Variants in BCL7C observed in about 807,000 individuals in gnomAD.
The protein encoded by BCL7C is B-cell CLL/lymphoma 7 protein family member C.
A neutral mutation model predicts 26.2 loss-of-function variants in BCL7C; 8 were observed. That is an observed-to-expected ratio of 0.30 (90% CI 0.18 to 0.55). The LOEUF (loss-of-function observed/expected upper bound fraction) is 0.55, where lower values mean the gene tolerates loss of function less well. Among genes scored for constraint, BCL7C ranks in the 20% least tolerant of loss-of-function variants. The pLI is 0.93. For missense variants in BCL7C, 262 were observed against 298.5 expected (o/e 0.88, Z 0.90); for synonymous variants, 90 against 116.5 (o/e 0.77, Z 1.47).
At chr16:30,861,477 G>A (rs566067349) in intron 5 of BCL7C, among the ~76,000 whole-genome samples, 12 of 152,286 alleles carry the variant, frequency 7.9e-5, no homozygotes, top group East Asian at 7.7e-4. Context: ...CCCACAGCCC[G>A]GGATTCCTCC....
At chr16:30,849,230 T>C (rs1295759948) in intron 5 of BCL7C, among the ~76,000 whole-genome samples, 1 of 152,082 alleles carries the variant, frequency 6.6e-6, no homozygotes, top group Non-Finnish European at 1.5e-5. Flanking sequence ...TTGAAATCTC[T>C]GCCTAATATT....
downstream of BCL7C, among the ~76,000 whole-genome samples, chr16:30,885,451 C>G (rs1375742408): frequency 3.3e-5 from 5 of 151,402 alleles, no homozygotes; most frequent in African/African-American, 1.2e-4. Context: ...GCTCCATCAC[C>G]CAGGCTGGAG....
downstream of BCL7C, among the ~76,000 whole-genome samples, chr16:30,883,110 C>T (rs1255892931): frequency 6.6e-6 from 1 of 151,952 alleles, no homozygotes; most frequent in Admixed American, 6.6e-5. Flanking sequence ...AGAGTGTGCA[C>T]AAAGAGAAGC....
chr16:30,841,105 A>C (rs2054599080), intron 5 of BCL7C, among the ~76,000 whole-genome samples: 1 of 152,152 alleles, frequency 6.6e-6, no homozygotes, highest in African/African-American at 2.4e-5. Flanking sequence ...AGCACTTAGA[A>C]GGGAGCTGCA....
At position 30,893,067 on chromosome 16, in the gene BCL7C, CA is replaced by C; in HGVS notation, c.172-120del. The C allele has an allele frequency of 1.6e-6, 2 of 1,238,422 alleles. No individual in the cohort carries two copies. Among genetic ancestry groups the C allele is most frequent in the Non-Finnish European group, 2.3e-6 (2 of 876,096 alleles). The allele number at this position is 1,238,422 out of a possible 1,614,324, so 76.7% of individuals were successfully genotyped here. ...AGGGGGTGTGGAGCAGAAAAGAGGG[CA>C]AAAGGGGAGGAGCTGCTAATGATGG... On this transcript the variant is annotated intron_variant, in intron 2 of 5. Transcript: ENST00000215115. This position sits in a 1 kb window ranked among gnomAD's most constrained non-coding sequence, Gnocchi z 5.2.
At chr16:30,882,235 A>G (rs1054860666) in intron 5 of BCL7C, among the ~76,000 whole-genome samples, 10 of 152,018 alleles carry the variant, frequency 6.6e-5, no homozygotes, top group African/African-American at 2.4e-4. Context: ...AGTGCTAGCC[A>G]CCACGCCCGG....
downstream of BCL7C, among the ~76,000 whole-genome samples, chr16:30,885,992 C>T (rs2055128124): frequency 1.3e-5 from 2 of 152,250 alleles, no homozygotes; most frequent in East Asian, 1.9e-4. Context: ...GCTTGGACTA[C>T]AGGCGCGCAC....
Position 30,876,916 on chromosome 16 carries a change from G to C in BCL7C, c.528+11944C>G, listed in dbSNP as rs533146583. On this transcript the variant is annotated intron_variant, in intron 5 of 5. Transcript: ENST00000380317. Reference sequence around the variant, plus strand: ...AACTCCATGGGCAAAAACAGGTGTGGAAGGGACCAAGAAGCCCATGTGGCT... The same window carrying C: ...AACTCCATGGGCAAAAACAGGTGTGCAAGGGACCAAGAAGCCCATGTGGCT... Among the ~76,000 whole-genome samples, 3 of 152,302 alleles carry C rather than the reference G, an allele frequency of 2.0e-5. No homozygotes were observed. The South Asian group carries it at 6.2e-4, about 32-fold the overall frequency.
Position 30,893,413 on chromosome 16 carries a change from C to T in BCL7C, c.93-123G>A. The T allele has an allele frequency of 1.5e-6, 1 of 689,024 alleles. No individual in the cohort carries two copies. Among genetic ancestry groups the T allele is most frequent in the South Asian group, 1.8e-5 (1 of 54,352 alleles). 42.7% of individuals were successfully genotyped at this position (689,024 alleles called of 1,614,324 possible). A position where few individuals can be genotyped will look rare whatever the true frequency, so the allele number is the denominator to read the frequency against. On this transcript the variant is annotated intron_variant, in intron 1 of 5. Coordinates refer to ENST00000215115, the MANE Select transcript of BCL7C (RefSeq NM_004765.4). This position sits in a 1 kb window ranked among gnomAD's most constrained non-coding sequence, Gnocchi z 5.2. ...GCACAGGAGGATAGCAACAGTTTTG[C>T]TAATGGGGCATAGTTACATGGAGGA...
chr16:30,857,566 T>C (rs2054733850), intron 5 of BCL7C, among the ~76,000 whole-genome samples: 1 of 152,082 alleles, frequency 6.6e-6, no homozygotes, highest in South Asian at 2.1e-4. Context: ...GTGAGGCTCT[T>C]AGTTACCAAG....
chr16:30,835,443 C>G (rs561985402), intron 5 of BCL7C, among the ~76,000 whole-genome samples: 2 of 152,130 alleles, frequency 1.3e-5, no homozygotes, highest in African/African-American at 4.8e-5. Flanking sequence ...AGCTCTAAGA[C>G]GGAGATAACC....
intron 5 of BCL7C, among the ~76,000 whole-genome samples, chr16:30,879,351 GCAGGGCC>G (rs1371054460): frequency 1.3e-5 from 2 of 152,070 alleles, no homozygotes; most frequent in African/African-American, 2.4e-5. Flanking sequence ...CTGAGCCCTG[GCAGGGCC>G]CATCTCTTCT....
intron 5 of BCL7C, among the ~76,000 whole-genome samples, chr16:30,845,872 C>G (rs561784849): frequency 1.3e-5 from 2 of 151,752 alleles, no homozygotes; most frequent in African/African-American, 2.4e-5. Context: ...TTTGGGAGGC[C>G]GAGACAGGCG....
chr16:30,855,890 G>A (rs2054716241), intron 5 of BCL7C, among the ~76,000 whole-genome samples: 2 of 151,072 alleles, frequency 1.3e-5, no homozygotes, highest in Admixed American at 6.6e-5. Context: ...GAAAAACCCC[G>A]TCTCTACTAA....
chr16:30,865,927 G>A (rs1056649915), intron 5 of BCL7C, among the ~76,000 whole-genome samples: 4 of 147,596 alleles, frequency 2.7e-5, no homozygotes, highest in African/African-American at 7.5e-5. Flanking sequence ...TAGACACAGC[G>A]TTTCACTATG....
At position 30,888,887 on chromosome 16, in the gene BCL7C, C is replaced by G; in HGVS notation, c.501G>C (p.Glu167Asp). Residue 167 changes from glutamate to aspartate, a missense_variant, in exon 5 of 6, where the codon GAG (glutamate) becomes GAC (aspartate). Coordinates refer to ENST00000215115, the MANE Select transcript of BCL7C (RefSeq NM_004765.4). ...TDEPPMLTKE[E>D]PVPELLEAEA... The stretch of plus-strand genomic sequence containing the variant: ...CAGCTTCCAGCAGTTCTGGAACAGG[C>G]TCCTCCTTGGTCAGCATTGGGGGTT... 1.9e-6 allele frequency: 3 copies of G among 1,614,092 alleles called. No homozygotes were observed. The highest frequency in any genetic ancestry group is 2.5e-6 in the Non-Finnish European group (3 of 1,179,978).
At chr16:30,869,409 C>CT (rs1416957061) in intron 5 of BCL7C, among the ~76,000 whole-genome samples, 1 of 151,534 alleles carries the variant, frequency 6.6e-6, no homozygotes, top group Non-Finnish European at 1.5e-5. Flanking sequence ...TGAGTTCTCA[C>CT]TATGTTGCTG....
chr16:30,856,040 C>T (rs1038592660), intron 5 of BCL7C, among the ~76,000 whole-genome samples: 63 of 133,970 alleles, frequency 4.7e-4, no homozygotes, highest in Middle Eastern at 4.2e-3. Flanking sequence ...CCAGCCTGGG[C>T]GACAAAGCAA....
chr16:30,854,312 C>G (rs1202804302), intron 5 of BCL7C, among the ~76,000 whole-genome samples: 1 of 152,134 alleles, frequency 6.6e-6, no homozygotes, highest in Admixed American at 6.5e-5. Flanking sequence ...ATTTCTCTGG[C>G]AAAACAATTC....
Sources: gnomAD v4.1 joint callset for allele counts (sites outside exome capture counted in the v4.1 genomes callset) on GRCh38, gnomAD v4.1.1 for gene constraint, Gnocchi (gnomAD v3.1) non-coding constraint, MANE v1.5 for transcripts, NCBI Gene and HGNC (gene_info 2026-07-23, HGNC 2026-07-21) for gene names.